The following PABPC1L variants were observed in gnomAD, a reference collection of about 807,000 sequenced individuals.
PABPC1L encodes the protein poly(A) binding protein cytoplasmic 1 like.
In PABPC1L, 31 loss-of-function variants were observed where a neutral mutation model predicts 66.6. That is an observed-to-expected ratio of 0.47 (90% CI 0.35 to 0.63). The LOEUF (loss-of-function observed/expected upper bound fraction) is 0.63, where lower values mean the gene tolerates loss of function less well. PABPC1L is among the 20% of genes least tolerant of loss of function. The pLI is 0.00. For missense variants in PABPC1L, 722 were observed against 848.8 expected (o/e 0.85, Z 1.86); for synonymous variants, 348 against 335.1 (o/e 1.04, Z -0.42).
At chr20:44,938,866 C>T (rs550045776) in intron 14 of PABPC1L, 118 bp downstream of exon 14, 20 of 1,017,792 alleles carry the variant, frequency 2.0e-5, no homozygotes, top group Non-Finnish European at 3.0e-5. Flanking sequence ...TCTGAAGCAC[C>T]AAAGAGTTTG....
In PABPC1L at chr20:44,918,936, G is replaced by C; in HGVS notation, c.534G>C (p.Glu178Asp). 3 of 1,607,876 alleles carry C rather than the reference G, an allele frequency of 1.9e-6. No homozygotes were observed. Among genetic ancestry groups the C allele is most frequent in the Non-Finnish European group, 1.7e-6 (2 of 1,177,022 alleles). ...TGGGTCACTTCAAGTCTCGACGGGA[G>C]CGGGAGGCGGAGCTGGGGGCGCGGG... Reference protein sequence around the residue: ...VFVGHFKSRREREAELGARAL... With the variant: ...VFVGHFKSRRDREAELGARAL... The change falls in exon 4 of 15, where the codon GAG becomes GAC. Residue 178 changes from glutamate to aspartate, a missense_variant. Glu to Asp is a conservative substitution (Grantham distance 45, BLOSUM62 2). Transcript: ENST00000217073.
chr20:44,918,132 C>T (rs1020264121), intron 3 of PABPC1L, among the ~76,000 whole-genome samples: 2 of 152,212 alleles, frequency 1.3e-5, no homozygotes, highest in Middle Eastern at 3.4e-3. Flanking sequence ...TTGAGACTAG[C>T]CTGGCCAACA....
At chr20:44,913,765 G>T (rs573677240) in intron 2 of PABPC1L, among the ~76,000 whole-genome samples, 1 of 152,216 alleles carries the variant, frequency 6.6e-6, no homozygotes, top group Admixed American at 6.5e-5. Context: ...AGTGAGAGGG[G>T]AGTAGAAATT....
intron 13 of PABPC1L, 41 bp downstream of exon 13, chr20:44,938,232 G>C: frequency 6.2e-7 from 1 of 1,600,828 alleles, no homozygotes; most frequent in Non-Finnish European, 8.5e-7. Context: ...GAGGGGGCAG[G>C]AGGAGAGCTA....
intron 2 of PABPC1L, among the ~76,000 whole-genome samples, chr20:44,913,428 T>C (rs1218629736): frequency 6.6e-6 from 1 of 151,860 alleles, no homozygotes; most frequent in African/African-American, 2.4e-5. Flanking sequence ...TTTTTTTTAA[T>C]TGAGATGCAG....
In PABPC1L at chr20:44,938,562, G is replaced by A. The variant is rs2066919459; in HGVS notation, c.1792-112G>A. The A allele has an allele frequency of 3.1e-6, 4 of 1,278,710 alleles. No individual in the cohort carries two copies. The African/African-American group carries it at 5.9e-5, about 19-fold the overall frequency. The allele number at this position is 1,278,710 out of a possible 1,614,324, so 79.2% of individuals were successfully genotyped here. ...GATGGGAGGGTTCCACAGAAACCCT[G>A]TGGATGGAGGAGGATCCTGTATCCA... On this transcript the variant is annotated intron_variant, in intron 13 of 14. Coordinates refer to ENST00000217073, the MANE Select transcript of PABPC1L (RefSeq NM_001372179.1).
At chr20:44,938,453 G>A (rs369644933) in intron 13 of PABPC1L, among the ~76,000 whole-genome samples, 31 of 152,274 alleles carry the variant, frequency 2.0e-4, no homozygotes, top group African/African-American at 7.5e-4. Flanking sequence ...TCAGTGTAAG[G>A]GTTAAGATTT....
chr20:44,936,891 T>C, intron 12 of PABPC1L, 161 bp downstream of exon 12: 2 of 725,104 alleles, frequency 2.8e-6, no homozygotes, highest in Non-Finnish European at 5.0e-6. Flanking sequence ...CTCTATTCTC[T>C]AGGCACCTGT....
intron 2 of PABPC1L, among the ~76,000 whole-genome samples, chr20:44,916,182 C>T (rs1263093034): frequency 6.6e-6 from 1 of 152,162 alleles, no homozygotes; most frequent in Non-Finnish European, 1.5e-5. Flanking sequence ...ACCCTTTTGC[C>T]CATTGCCTTA....
At chr20:44,933,605 C>A in intron 10 of PABPC1L, among the ~76,000 whole-genome samples, 1 of 149,358 alleles carries the variant, frequency 6.7e-6, no homozygotes, top group East Asian at 2.0e-4. Context: ...GCCACCATGC[C>A]TGGGTAATTT....
intron 13 of PABPC1L, 35 bp downstream of exon 13, chr20:44,938,226 G>T: frequency 1.9e-6 from 3 of 1,605,198 alleles, no homozygotes; most frequent in Non-Finnish European, 2.6e-6. Context: ...GAGCCCGAGG[G>T]GGCAGGAGGA....
intron 7 of PABPC1L, among the ~76,000 whole-genome samples, chr20:44,927,802 G>A (rs2066820465): frequency 6.6e-6 from 1 of 152,172 alleles, no homozygotes; most frequent in Non-Finnish European, 1.5e-5. Flanking sequence ...GTGATCTCCT[G>A]TCTCAGCCTC....
chr20:44,910,643 G>A (rs1434503903), intron 1 of PABPC1L, among the ~76,000 whole-genome samples: 1 of 152,140 alleles, frequency 6.6e-6, no homozygotes, highest in Non-Finnish European at 1.5e-5. Flanking sequence ...GTGTGACTCT[G>A]GGCAAGTTAC....
At chr20:44,931,062 T>C (rs1465163894) in intron 8 of PABPC1L, among the ~76,000 whole-genome samples, 1 of 2,700 alleles carries the variant, frequency 3.7e-4, no homozygotes. Context: ...TCCCTTCCCT[T>C]CCCTCCCTCC....
intron 1 of PABPC1L, among the ~76,000 whole-genome samples, chr20:44,912,314 A>G (rs906504442): frequency 6.6e-6 from 1 of 152,182 alleles, no homozygotes; most frequent in Non-Finnish European, 1.5e-5. Flanking sequence ...TTTAGAATCC[A>G]GAATAGACCT....
chr20:44,913,270 A>G (rs1359692173), intron 2 of PABPC1L, among the ~76,000 whole-genome samples: 1 of 152,078 alleles, frequency 6.6e-6, no homozygotes, highest in Non-Finnish European at 1.5e-5. Flanking sequence ...TTTCCTCCCT[A>G]TGGCCTTTTG....
chr20:44,912,578 A>C (rs1601105409), intron 1 of PABPC1L, 82 bp from the exon 2 acceptor site: 1 of 1,221,140 alleles, frequency 8.2e-7, no homozygotes. Flanking sequence ...ATTGGCTCCC[A>C]GTTAAGCACC....
intron 10 of PABPC1L, among the ~76,000 whole-genome samples, chr20:44,933,545 A>G (rs935126900): frequency 6.7e-6 from 1 of 149,206 alleles, no homozygotes; most frequent in Non-Finnish European, 1.5e-5. Context: ...TCCCAGGTTC[A>G]AGCGATTGTC....
intron 5 of PABPC1L, 64 bp downstream of exon 5, chr20:44,919,341 C>T: frequency 5.8e-6 from 9 of 1,548,448 alleles, no homozygotes; most frequent in Non-Finnish European, 8.0e-6. Flanking sequence ...AGAAGAGGGT[C>T]CCAGCTGCCT....
Sources: allele counts gnomAD v4.1 joint callset (sites outside exome capture counted in the v4.1 genomes callset), GRCh38; gene constraint gnomAD v4.1.1; transcripts MANE v1.5; gene names NCBI Gene and HGNC (gene_info 2026-07-23, HGNC 2026-07-21).